C12orf50: variants seen among roughly 807,000 people sequenced by gnomAD.
C12orf50 encodes uncharacterized protein C12orf50.
Under a neutral mutation model 61.6 loss-of-function variants are expected in C12orf50, and 35 were observed. That is an observed-to-expected ratio of 0.57 (90% CI 0.43 to 0.75). C12orf50 has a LOEUF of 0.75. Among genes scored for constraint, C12orf50 ranks in the 30% least tolerant of loss-of-function variants. The pLI is 0.00. For synonymous variants in C12orf50, 178 were observed against 161.5 expected (o/e 1.10, Z -0.77); for missense variants, 475 against 488.5 (o/e 0.97, Z 0.26).
chr12:87,986,152 C>A (rs901966144), intron 10 of C12orf50, 99 bp from the exon 11 acceptor site: 3 of 1,352,300 alleles, frequency 2.2e-6, no homozygotes, highest in East Asian at 2.4e-5. Context: ...ATAATGGAAG[C>A]CAATAGAAGC....
chr12:87,988,584 C>T (rs1287841862), intron 8 of C12orf50, among the ~76,000 whole-genome samples: 1 of 152,080 alleles, frequency 6.6e-6, no homozygotes, highest in Non-Finnish European at 1.5e-5. Context: ...AAAACCTTTC[C>T]ATCTCTGACT....
chr12:88,018,720 T>A (rs577819795), intron 3 of C12orf50, among the ~76,000 whole-genome samples: 1 of 152,306 alleles, frequency 6.6e-6, no homozygotes, highest in South Asian at 2.1e-4. Context: ...ACCCCACCTT[T>A]TGCCTCAGTG....
rs551117366 is a variant in C12orf50 at position 88,024,838 on chromosome 12, T to C, written c.133+1650A>G. Reference sequence around the variant, plus strand: ...TCCTGCAAGCTAGATAGGAAAATTATGTCAAGAAGGAAGGGGTGATTAAAT... The same window carrying C: ...TCCTGCAAGCTAGATAGGAAAATTACGTCAAGAAGGAAGGGGTGATTAAAT... On this transcript the variant is annotated intron_variant, in intron 3 of 12. Coordinates refer to ENST00000298699, the MANE Select transcript of C12orf50 (RefSeq NM_152589.3). Among the ~76,000 whole-genome samples, 4 of 152,288 alleles carry C rather than the reference T, an allele frequency of 2.6e-5. No individual in the cohort carries two copies. In the East Asian group the frequency reaches 5.8e-4, roughly 22 times the overall value.
chr12:87,994,721 T>C lies in C12orf50; in HGVS notation c.504A>G (p.Thr168=), dbSNP rs558198150. Residue 168 remains threonine (T), a synonymous_variant, in exon 7 of 13, where the codon ACA becomes ACG. Transcript: ENST00000298699. ...LQEGDSLTVP[T]KLSQYERQGE... ...CTTGCCTTTCATATTGGCTAAGTTTTGTCGGAACTGTAAGACTATCTCCTA... is the reference window on the plus strand; with the variant it reads ...CTTGCCTTTCATATTGGCTAAGTTTCGTCGGAACTGTAAGACTATCTCCTA... The C allele has an allele frequency of 5.6e-6, 9 of 1,612,306 alleles. No homozygotes were observed. In the East Asian group the frequency reaches 6.7e-5, roughly 12 times the overall value.
At chr12:87,988,942 A>G (rs1427448286) in intron 8 of C12orf50, among the ~76,000 whole-genome samples, 1 of 152,160 alleles carries the variant, frequency 6.6e-6, no homozygotes, top group East Asian at 1.9e-4. Context: ...AATGTTCACA[A>G]ACAACGTTTT....
intron 8 of C12orf50, among the ~76,000 whole-genome samples, chr12:87,988,291 G>A (rs2030941411): frequency 1.3e-5 from 2 of 152,006 alleles, no homozygotes; most frequent in South Asian, 4.2e-4. Context: ...ATTTAAATTG[G>A]GGTTCTGAAA....
At chr12:88,003,520 T>G (rs1217519094) in intron 3 of C12orf50, among the ~76,000 whole-genome samples, 1 of 152,068 alleles carries the variant, frequency 6.6e-6, no homozygotes, top group African/African-American at 2.4e-5. Context: ...TCTCAGTTTT[T>G]GTTTTCTTTG....
At chr12:88,001,717 G>A (rs545704518) in intron 3 of C12orf50, among the ~76,000 whole-genome samples, 59 of 151,096 alleles carry the variant, frequency 3.9e-4, no homozygotes, top group Non-Finnish European at 6.7e-4. Context: ...AGTCAGTGAT[G>A]GTAGTTTGTG....
intron 1 of C12orf50, among the ~76,000 whole-genome samples, 174 bp from the exon 2 acceptor site, chr12:88,027,244 G>A (rs1283582159): frequency 1.3e-5 from 2 of 152,164 alleles, no homozygotes; most frequent in African/African-American, 4.8e-5. Flanking sequence ...TCTAACTTTA[G>A]TGAGAAAGCA....
At chr12:87,990,272 T>C (rs926697383) in intron 7 of C12orf50, among the ~76,000 whole-genome samples, 1 of 152,200 alleles carries the variant, frequency 6.6e-6, no homozygotes, top group Non-Finnish European at 1.5e-5. Flanking sequence ...TTTATAAACA[T>C]GTCTACATTC....
chr12:87,987,816 C>T (rs1473694224), intron 9 of C12orf50, 34 bp downstream of exon 9: 5 of 1,363,230 alleles, frequency 3.7e-6, no homozygotes. Context: ...ACAAATATAT[C>T]TGAGGCCAAA....
chr12:87,996,672 A>T, intron 4 of C12orf50, 26 bp from the exon 5 acceptor site: 1 of 1,531,578 alleles, frequency 6.5e-7, no homozygotes, highest in Non-Finnish European at 8.9e-7. Flanking sequence ...TTTTTAAATT[A>T]AATTGTCCCA....
intron 1 of C12orf50, chr12:88,027,939 G>A (rs1220654600): frequency 6.6e-6 from 1 of 152,066 alleles, no homozygotes; most frequent in Non-Finnish European, 1.5e-5. Context: ...GGGTTAGTAG[G>A]CAGGGGTTTT....
intron 1 of C12orf50, chr12:88,027,663 C>T (rs181721488): frequency 6.6e-6 from 1 of 152,298 alleles, no homozygotes; most frequent in Admixed American, 6.5e-5. Context: ...TATACATATA[C>T]TCACTGACTT....
chr12:88,002,347 A>G (rs914248732), intron 3 of C12orf50, among the ~76,000 whole-genome samples: 1 of 151,814 alleles, frequency 6.6e-6, no homozygotes, highest in African/African-American at 2.4e-5. Flanking sequence ...GAAGACATAC[A>G]CAGCACAATT....
chr12:87,989,226 A>G, intron 8 of C12orf50, 38 bp downstream of exon 8: 1 of 1,458,732 alleles, frequency 6.9e-7, no homozygotes, highest in Non-Finnish European at 9.4e-7. Flanking sequence ...TTGCCTAGCC[A>G]AATTACAAAT....
intron 3 of C12orf50, among the ~76,000 whole-genome samples, chr12:88,013,863 TG>T (rs1406874911): frequency 6.6e-6 from 1 of 152,192 alleles, no homozygotes; most frequent in African/African-American, 2.4e-5. Context: ...TGGTGGTTGT[TG>T]TTTTAAGCTC....
In C12orf50 at chr12:87,987,890, A is replaced by G. The variant is rs2030910404; in HGVS notation, c.777T>C (p.Thr259=). 9 of 1,610,964 alleles carry G rather than the reference A, an allele frequency of 5.6e-6. No homozygotes were observed. The highest frequency in any genetic ancestry group is 6.8e-6 in the Non-Finnish European group (8 of 1,177,838). Residue 259 remains threonine, a synonymous_variant, in exon 9 of 13, where the codon ACT becomes ACC. Coordinates refer to ENST00000298699, the MANE Select transcript of C12orf50 (RefSeq NM_152589.3). ...LVPTTHVLNA[T]ENISMKCRED... ...CTCTGCACTTCATACTGATATTCTC[A>G]GTAGCATTTAATACATGCGTTGTAG... is the stretch of plus-strand genomic sequence containing the variant.
intron 9 of C12orf50, among the ~76,000 whole-genome samples, chr12:87,987,460 T>C (rs1224840014): frequency 6.6e-6 from 1 of 152,174 alleles, no homozygotes. Flanking sequence ...GTCTTAACTG[T>C]ATCAAGAGAA....
Sources: allele counts gnomAD v4.1 joint callset (sites outside exome capture counted in the v4.1 genomes callset), GRCh38; gene constraint gnomAD v4.1.1; transcripts MANE v1.5; gene names NCBI Gene and HGNC (gene_info 2026-07-23, HGNC 2026-07-21).